ALK: variants seen among roughly 807,000 people sequenced by gnomAD.
ALK encodes the protein ALK tyrosine kinase receptor.
ALK carries 74 observed loss-of-function variants against 163.1 expected under a neutral mutation model. The observed-to-expected ratio is 0.45, with a 90% CI of 0.38 to 0.55. The LOEUF is 0.55. ALK is among the 20% of genes least tolerant of loss of function. The pLI is 0.00. For synonymous variants in ALK, 960 were observed against 843.2 expected (o/e 1.14, Z -2.40); for missense variants, 2,063 against 2,105.3 (o/e 0.98, Z 0.39).
At chr2:29,352,333 T>C (rs1408650834) in intron 5 of ALK, among the ~76,000 whole-genome samples, 1 of 152,220 alleles carries the variant, frequency 6.6e-6, no homozygotes. Context: ...CTTTAAAATC[T>C]GTGTGGGGCC....
intron 1 of ALK, among the ~76,000 whole-genome samples, chr2:29,779,964 T>C (rs976686243): frequency 6.6e-6 from 1 of 152,174 alleles, no homozygotes; most frequent in African/African-American, 2.4e-5. Context: ...TGTCTTACAT[T>C]TATGGGGCTT....
chr2:29,750,689 AAGGAAGGAAGGC>A (rs1486880325), intron 1 of ALK, among the ~76,000 whole-genome samples: 60 of 116,974 alleles, frequency 5.1e-4, no homozygotes, highest in African/African-American at 1.4e-3. Context: ...GGAAGGAAGG[AAGGAAGGAAGGC>A]AGGCAGGCAG....
chr2:29,539,519 CA>C (rs1272211542), intron 3 of ALK, among the ~76,000 whole-genome samples: 1 of 151,896 alleles, frequency 6.6e-6, no homozygotes, highest in Non-Finnish European at 1.5e-5. Context: ...TGATTATTCT[CA>C]AAAAAAGGTT....
intron 24 of ALK, among the ~76,000 whole-genome samples, chr2:29,211,912 A>T (rs1418593832): frequency 2.0e-5 from 3 of 152,268 alleles, no homozygotes. Flanking sequence ...TCTAACCTTC[A>T]GTAACTATTT....
intron 8 of ALK, among the ~76,000 whole-genome samples, chr2:29,313,137 T>G (rs35326958): frequency 0.077 from 11,770 of 152,284 alleles, 500 homozygotes; most frequent in South Asian, 0.13. Context: ...GATAGGGGCT[T>G]GCTTGTTCTT....
chr2:29,254,733 T>C (rs1446883881), intron 11 of ALK, among the ~76,000 whole-genome samples: 1 of 152,206 alleles, frequency 6.6e-6, no homozygotes, highest in East Asian at 1.9e-4. Flanking sequence ...ACATTCAGCA[T>C]TAGAGATGCA....
intron 1 of ALK, among the ~76,000 whole-genome samples, chr2:29,744,760 C>G (rs913321505): frequency 6.6e-5 from 10 of 152,012 alleles, no homozygotes; most frequent in Admixed American, 6.6e-4. Context: ...CTGTAAGAGG[C>G]CTTTCCATGT....
At chr2:29,726,256 T>C (rs1035737678) in intron 1 of ALK, among the ~76,000 whole-genome samples, 3 of 152,178 alleles carry the variant, frequency 2.0e-5, no homozygotes, top group Non-Finnish European at 4.4e-5. Context: ...CTCTGCTCTT[T>C]ATGAAATTTA....
chr2:29,354,167 G>A (rs903761193), intron 5 of ALK, among the ~76,000 whole-genome samples: 10 of 152,194 alleles, frequency 6.6e-5, no homozygotes, highest in Non-Finnish European at 1.5e-5. Context: ...GACTGTAGAA[G>A]TGTCTGAGGA....
chr2:29,331,394 C>A (rs1667434701), intron 5 of ALK, among the ~76,000 whole-genome samples: 1 of 152,052 alleles, frequency 6.6e-6, no homozygotes, highest in Non-Finnish European at 1.5e-5. Context: ...TGGGCCTGTG[C>A]AGATTTGGGG....
chr2:29,807,098 T>C (rs1664637190), intron 1 of ALK, among the ~76,000 whole-genome samples: 1 of 152,224 alleles, frequency 6.6e-6, no homozygotes, highest in African/African-American at 2.4e-5. Context: ...AATTAAAACT[T>C]TAACTTTCTT....
Position 29,906,414 on chromosome 2 carries a change from G to T in ALK, c.667+13579C>A, listed in dbSNP as rs372893058. Among the ~76,000 whole-genome samples the T allele has an allele frequency of 8.5e-5, 13 of 152,210 alleles. 1 individual carries two copies. Among genetic ancestry groups the T allele is most frequent in the African/African-American group, 3.1e-4 (13 of 41,538 alleles). On this transcript the variant is annotated intron_variant, in intron 1 of 28. Coordinates refer to ENST00000389048, the MANE Select transcript of ALK (RefSeq NM_004304.5). ...CCCAATAATTATTTGTTGAATTAAT[G>T]ATTTTTTAAAGAAAAGGGATAGGAG...
chr2:29,383,019 G>T (rs1414488751), intron 5 of ALK, among the ~76,000 whole-genome samples: 1 of 152,118 alleles, frequency 6.6e-6, no homozygotes, highest in East Asian at 1.9e-4. Flanking sequence ...GCCTGTACAT[G>T]GAACAGATGA....
At chr2:29,407,747 C>T (rs778798953) in intron 4 of ALK, among the ~76,000 whole-genome samples, 1 of 152,226 alleles carries the variant, frequency 6.6e-6, no homozygotes, top group Non-Finnish European at 1.5e-5. Context: ...ACCCTACCTT[C>T]CATTCAGAGC....
chr2:29,372,608 A>G (rs780631315), intron 5 of ALK, among the ~76,000 whole-genome samples: 33 of 151,884 alleles, frequency 2.2e-4, no homozygotes, highest in Non-Finnish European at 4.0e-4. Context: ...ACCCAGGGAT[A>G]GGTGTCACTG....
chr2:29,379,103 C>T (rs747594054), intron 5 of ALK, among the ~76,000 whole-genome samples: 30 of 152,242 alleles, frequency 2.0e-4, no homozygotes, highest in East Asian at 1.2e-3. Flanking sequence ...TGAGGGGTCC[C>T]GGTGAGTGTC....
intron 4 of ALK, among the ~76,000 whole-genome samples, chr2:29,404,031 T>C (rs189328627): frequency 6.6e-6 from 1 of 152,278 alleles, no homozygotes; most frequent in South Asian, 2.1e-4. Context: ...AGGCCGGGCA[T>C]GTTAGCTCAC....
intron 4 of ALK, among the ~76,000 whole-genome samples, chr2:29,481,210 T>C (rs1454840212): frequency 6.6e-6 from 1 of 152,242 alleles, no homozygotes; most frequent in Non-Finnish European, 1.5e-5. Context: ...TCCTGGTTTG[T>C]AGTTCAGTGC....
chr2:29,874,673 G>GA (rs1666659456), intron 1 of ALK, among the ~76,000 whole-genome samples: 1 of 152,152 alleles, frequency 6.6e-6, no homozygotes. Context: ...ATATACATGG[G>GA]AAAATCATTT....
Sources: allele counts gnomAD v4.1 joint callset (sites outside exome capture counted in the v4.1 genomes callset), GRCh38; gene constraint gnomAD v4.1.1; transcripts MANE v1.5; gene names NCBI Gene and HGNC (gene_info 2026-07-23, HGNC 2026-07-21).